Variants in TBCA observed in about 807,000 individuals in gnomAD.
TBCA encodes tubulin folding cofactor A.
A neutral mutation model predicts 15.8 loss-of-function variants in TBCA; 6 were observed. The ratio of observed to expected loss-of-function variants is 0.38; its 90% CI spans 0.21 to 0.75. TBCA has a LOEUF of 0.75. TBCA is among the 30% of genes least tolerant of loss of function. The pLI, the probability that TBCA is intolerant of heterozygous loss-of-function variation, is 0.46. For missense variants in TBCA, 90 were observed against 131.2 expected, an observed-to-expected ratio of 0.69 and a Z score of 1.53; for synonymous variants, 32 against 42.3, an observed-to-expected ratio of 0.76 and a Z score of 0.94.
intron 1 of TBCA, among the ~76,000 whole-genome samples, chr5:77,730,102 T>C (rs924008620): frequency 6.6e-6 from 1 of 152,226 alleles, no homozygotes; most frequent in African/African-American, 2.4e-5. Context: ...TTCTTAAGAC[T>C]ATATTCAGCT....
intron 1 of TBCA, among the ~76,000 whole-genome samples, chr5:77,760,884 C>T (rs1274975142): frequency 1.3e-5 from 2 of 151,950 alleles, no homozygotes; most frequent in East Asian, 1.9e-4. Flanking sequence ...GGCCACCCAT[C>T]GTCTGGGATG....
chr5:77,727,115 G>A (rs1428808052), intron 1 of TBCA, among the ~76,000 whole-genome samples: 1 of 151,658 alleles, frequency 6.6e-6, no homozygotes, highest in Non-Finnish European at 1.5e-5. Flanking sequence ...GGATAGTGCT[G>A]AGTCCCAGAT....
chr5:77,696,455 C>G (rs1038976567), intron 2 of TBCA, among the ~76,000 whole-genome samples: 1 of 152,044 alleles, frequency 6.6e-6, no homozygotes, highest in African/African-American at 2.4e-5. Context: ...TGGGCCCTTA[C>G]GCTCTAATGT....
chr5:77,771,840 GTAT>G (rs1284073841), intron 1 of TBCA, among the ~76,000 whole-genome samples: 1 of 152,102 alleles, frequency 6.6e-6, no homozygotes, highest in Non-Finnish European at 1.5e-5. Context: ...ACCCTTTCTA[GTAT>G]AGCCTACCCA....
intron 1 of TBCA, among the ~76,000 whole-genome samples, chr5:77,746,963 C>T (rs1374840711): frequency 6.6e-6 from 1 of 151,924 alleles, no homozygotes; most frequent in African/African-American, 2.4e-5. Flanking sequence ...CATAAAACAG[C>T]AAAAACTAAA....
intron 1 of TBCA, among the ~76,000 whole-genome samples, chr5:77,765,555 T>C (rs1452898818): frequency 6.6e-6 from 1 of 152,178 alleles, no homozygotes; most frequent in Non-Finnish European, 1.5e-5. Context: ...CTCTCCCTCC[T>C]ACTTTTCTGA....
rs879729024 is a variant in TBCA, at chr5:77,750,142, A to C, written c.53+26063T>G. Among the ~76,000 whole-genome samples, 237 of 124,964 alleles carry C rather than the reference A, an allele frequency of 1.9e-3. 1 individual carries two copies. The highest frequency in any genetic ancestry group is 4.2e-3 in the Middle Eastern group (1 of 236). 82.0% of individuals were successfully genotyped at this position (124,964 alleles called of 152,430 possible). ...CTTTGCAAATTTGTGCTCTCTCTCT[A>C]TATATATAGAGAGAGAGCACAAATA... On this transcript the variant is annotated intron_variant, in intron 1 of 3. Transcript: ENST00000380377.
intron 1 of TBCA, among the ~76,000 whole-genome samples, chr5:77,718,063 G>A (rs1391133032): frequency 1.3e-5 from 2 of 152,210 alleles, no homozygotes; most frequent in African/African-American, 4.8e-5. Context: ...CCAGGAGGCA[G>A]AGGTTGTGGT....
chr5:77,757,800 G>A (rs1747510738), intron 1 of TBCA, among the ~76,000 whole-genome samples: 1 of 152,186 alleles, frequency 6.6e-6, no homozygotes, highest in African/African-American at 2.4e-5. Flanking sequence ...AGCCTCAGGA[G>A]GTCCTGATGA....
At chr5:77,699,563 C>T (rs1258546639) in intron 2 of TBCA, among the ~76,000 whole-genome samples, 2 of 152,136 alleles carry the variant, frequency 1.3e-5, no homozygotes, top group Non-Finnish European at 2.9e-5. Flanking sequence ...CCAAACCTAA[C>T]ACTTTATATA....
At chr5:77,756,220 G>A (rs889705486) in intron 1 of TBCA, among the ~76,000 whole-genome samples, 3 of 152,116 alleles carry the variant, frequency 2.0e-5, no homozygotes, top group Admixed American at 6.5e-5. Context: ...ACCCTCCTAC[G>A]TCTCAATTTT....
chr5:77,730,872 G>A (rs184400857), intron 1 of TBCA, among the ~76,000 whole-genome samples: 34 of 152,256 alleles, frequency 2.2e-4, no homozygotes, highest in African/African-American at 7.7e-4. Context: ...GTTTTTCTAT[G>A]TTAATACATA....
At position 77,706,821 on chromosome 5, in the gene TBCA, A is replaced by AG. The variant is rs576298370; in HGVS notation, c.159+1420_159+1421insC. Among the ~76,000 whole-genome samples the AG allele has an allele frequency of 1.1e-4, 17 of 151,342 alleles. No homozygotes were observed. In the South Asian group the frequency reaches 3.3e-3, roughly 30 times the overall value. On this transcript the variant is annotated intron_variant, in intron 2 of 3. Coordinates refer to ENST00000380377, the MANE Select transcript of TBCA (RefSeq NM_004607.3). ...GCAAGACTCCATCTTAAAAAAAAAA[A>AG]AAAAAAAGAAAGAAAGAAAAGAAAA...
intron 1 of TBCA, among the ~76,000 whole-genome samples, chr5:77,719,041 G>A (rs1004073256): frequency 2.6e-5 from 4 of 152,100 alleles, no homozygotes; most frequent in Non-Finnish European, 5.9e-5. Flanking sequence ...ATCCCCCAAG[G>A]TGTGAAAATA....
intron 1 of TBCA, among the ~76,000 whole-genome samples, chr5:77,772,081 A>AT (rs1747927689): frequency 6.6e-6 from 1 of 151,002 alleles, no homozygotes; most frequent in Non-Finnish European, 1.5e-5. Flanking sequence ...TAAACCATTG[A>AT]TTAAAAAAAA....
At chr5:77,715,461 A>G in intron 1 of TBCA, 1 of 516,912 alleles carries the variant, frequency 1.9e-6, no homozygotes. Flanking sequence ...ACAATGAGTA[A>G]TAAGGTAGAA....
chr5:77,767,024 T>A lies in TBCA; in HGVS notation c.53+9181A>T, dbSNP rs184337660. Among the ~76,000 whole-genome samples, 180 of 152,270 alleles carry A rather than the reference T, an allele frequency of 1.2e-3. 1 individual carries two copies. Among genetic ancestry groups the A allele is most frequent in the African/African-American group, 4.1e-3 (171 of 41,536 alleles). Reference sequence around the variant, plus strand: ...GGCCTTAAGAAAATCTTTGTATACTTTGATATAGTGCAGCGTCTTCAGAAC... The same window carrying A: ...GGCCTTAAGAAAATCTTTGTATACTATGATATAGTGCAGCGTCTTCAGAAC... On this transcript the variant is annotated intron_variant, in intron 1 of 3. Transcript: ENST00000380377.
intron 1 of TBCA, among the ~76,000 whole-genome samples, chr5:77,724,425 G>C (rs1001423938): frequency 3.2e-4 from 48 of 151,970 alleles, no homozygotes; most frequent in Non-Finnish European, 4.0e-4. Context: ...CATAAGATGA[G>C]TCCAGTTTTA....
intron 1 of TBCA, among the ~76,000 whole-genome samples, chr5:77,761,250 A>G (rs1392864244): frequency 6.6e-6 from 1 of 152,060 alleles, no homozygotes; most frequent in Non-Finnish European, 1.5e-5. Flanking sequence ...GTCTGTGTAG[A>G]AAGAAGTAGA....
Sources: gnomAD v4.1 joint callset for allele counts (sites outside exome capture counted in the v4.1 genomes callset) on GRCh38, gnomAD v4.1.1 for gene constraint, MANE v1.5 for transcripts, NCBI Gene and HGNC (gene_info 2026-07-23, HGNC 2026-07-21) for gene names.